The following FHIP2A variants were observed in gnomAD, a reference collection of about 807,000 sequenced individuals.
FHIP2A encodes family with sequence similarity 160 member B1.
In FHIP2A, 46 loss-of-function variants were observed where a neutral mutation model predicts 93.5. That is an observed-to-expected ratio of 0.49 (90% CI 0.39 to 0.63). The LOEUF is 0.63. Among genes scored for constraint, FHIP2A ranks in the 20% least tolerant of loss-of-function variants. The pLI is 0.00. For missense variants in FHIP2A, 769 were observed against 909.7 expected (o/e 0.85, Z 1.99); for synonymous variants, 332 against 326.5 (o/e 1.02, Z -0.18).
chr10:114,863,536 T>C lies in FHIP2A; in HGVS notation c.*1996T>C. 1.7e-6 allele frequency: 2 copies of C among 1,173,676 alleles called. No homozygotes were observed. The highest frequency in any genetic ancestry group is 6.5e-5 in the East Asian group (1 of 15,290). 72.7% of individuals were successfully genotyped at this position (1,173,676 alleles called of 1,614,324 possible). On this transcript the variant is annotated 3_prime_UTR_variant, in exon 17 of 17. Coordinates refer to ENST00000369248, the MANE Select transcript of FHIP2A (RefSeq NM_020940.4). ...TGTATATGTATGCTGCTTCTGAAAA[T>C]ATAATTTTTCTAAGTTGTTGTAATG...
Position 114,861,713 on chromosome 10 carries a change from A to G in FHIP2A, c.*173A>G, listed in dbSNP as rs1592026429. 1 of 1,394,056 alleles carries G rather than the reference A, an allele frequency of 7.2e-7. No individual in the cohort carries two copies. 86.4% of individuals were successfully genotyped at this position (1,394,056 alleles called of 1,614,324 possible). A position where few individuals can be genotyped will look rare whatever the true frequency, so the allele number is the denominator to read the frequency against. On this transcript the variant is annotated 3_prime_UTR_variant, in exon 17 of 17. Transcript: ENST00000369248. ...GTGGACATTCTTGGTGAAATGTTGT[A>G]TAATGTTGTTTTCATTGGCTTTATC...
At chr10:114,875,119 G>T (rs11818114) in intron 16 of FHIP2A, among the ~76,000 whole-genome samples, 1 of 151,860 alleles carries the variant, frequency 6.6e-6, no homozygotes, top group Non-Finnish European at 1.5e-5. Flanking sequence ...ACTGCAGGCC[G>T]CTCTGCAGCC....
At chr10:114,848,947 A>T (rs900799210) in intron 13 of FHIP2A, among the ~76,000 whole-genome samples, 4 of 151,952 alleles carry the variant, frequency 2.6e-5, no homozygotes, top group Admixed American at 1.3e-4. Flanking sequence ...GTTCGAGACC[A>T]GCCTGGCCAA....
intron 14 of FHIP2A, among the ~76,000 whole-genome samples, chr10:114,860,300 T>C (rs2083789791): frequency 6.6e-6 from 1 of 152,220 alleles, no homozygotes; most frequent in African/African-American, 2.4e-5. Flanking sequence ...TAGTTGTAGA[T>C]ATTTTCATTG....
chr10:114,891,601 G>A (rs964896670), intron 16 of FHIP2A, among the ~76,000 whole-genome samples: 4 of 148,148 alleles, frequency 2.7e-5, no homozygotes, highest in Non-Finnish European at 4.5e-5. Context: ...GTGTATATAT[G>A]TGTGTGTGTG....
intron 14 of FHIP2A, among the ~76,000 whole-genome samples, chr10:114,857,562 G>A (rs930999819): frequency 4.6e-5 from 7 of 151,416 alleles, no homozygotes; most frequent in East Asian, 3.9e-4. Context: ...CACCTGCCTC[G>A]GCCTCCCAAA....
At chr10:114,888,855 G>A (rs1032528978) in intron 16 of FHIP2A, among the ~76,000 whole-genome samples, 5 of 152,028 alleles carry the variant, frequency 3.3e-5, no homozygotes, top group East Asian at 1.9e-4. Context: ...TGCCCACCTC[G>A]GCTTCTCAAA....
At chr10:114,857,751 A>C (rs1434757515) in intron 14 of FHIP2A, among the ~76,000 whole-genome samples, 1 of 152,244 alleles carries the variant, frequency 6.6e-6, no homozygotes, top group Non-Finnish European at 1.5e-5. Context: ...TAATGTCTTC[A>C]TGCATAATTG....
intron 16 of FHIP2A, among the ~76,000 whole-genome samples, chr10:114,897,196 A>T (rs2084005271): frequency 2.0e-5 from 3 of 152,314 alleles, no homozygotes; most frequent in South Asian, 4.1e-4. Context: ...TCCCCAAGTT[A>T]CTTCCTCCTT....
downstream of FHIP2A, among the ~76,000 whole-genome samples, chr10:114,867,532 G>A (rs1396034653): frequency 1.3e-5 from 2 of 152,192 alleles, no homozygotes; most frequent in Admixed American, 6.5e-5. Flanking sequence ...TAAAGCATTT[G>A]TAGAACCATG....
chr10:114,877,018 G>GCT (rs1353291676), intron 16 of FHIP2A, among the ~76,000 whole-genome samples: 1 of 151,972 alleles, frequency 6.6e-6, no homozygotes, highest in East Asian at 1.9e-4. Flanking sequence ...GCTTTTATCT[G>GCT]CAACTGTTAC....
chr10:114,822,012 G>A lies in FHIP2A; in HGVS notation c.-67G>A. ...AGCGGCCCCGGCAGCCGCAGCAGGG[G>A]CGGCGGCGGCGGATCGAGGAGCTCT... On this transcript the variant is annotated 5_prime_UTR_variant, in exon 1 of 17. Coordinates refer to ENST00000369248, the MANE Select transcript of FHIP2A (RefSeq NM_020940.4). 9.8e-7 allele frequency: 1 copy of A among 1,022,124 alleles called. No individual in the cohort carries two copies. The highest frequency in any genetic ancestry group is 1.3e-6 in the Non-Finnish European group (1 of 790,250). 63.3% of individuals were successfully genotyped at this position (1,022,124 alleles called of 1,614,324 possible).
intron 13 of FHIP2A, among the ~76,000 whole-genome samples, chr10:114,850,275 ATTC>A (rs1302329003): frequency 3.9e-5 from 6 of 152,162 alleles, no homozygotes; most frequent in African/African-American, 1.4e-4. Context: ...ACTTACCATT[ATTC>A]TTTTTAAATT....
intron 16 of FHIP2A, among the ~76,000 whole-genome samples, chr10:114,896,737 A>G (rs1699758346): frequency 6.6e-6 from 1 of 152,192 alleles, no homozygotes; most frequent in Admixed American, 6.5e-5. Context: ...CCTAAAATGT[A>G]TAAAACCAAG....
chr10:114,825,756 A>G (rs937168021), intron 1 of FHIP2A, among the ~76,000 whole-genome samples: 6 of 152,368 alleles, frequency 3.9e-5, no homozygotes, highest in Admixed American at 2.0e-4. Context: ...AAAGATAGAT[A>G]AAACACTTTC....
At chr10:114,883,286 C>A (rs147899690) in intron 16 of FHIP2A, among the ~76,000 whole-genome samples, 1 of 152,290 alleles carries the variant, frequency 6.6e-6, no homozygotes, top group East Asian at 1.9e-4. Context: ...ATCACAGCAG[C>A]TGATTCAGGG....
At chr10:114,848,264 T>C (rs956329576) in intron 12 of FHIP2A, among the ~76,000 whole-genome samples, 1 of 152,204 alleles carries the variant, frequency 6.6e-6, no homozygotes, top group Non-Finnish European at 1.5e-5. Flanking sequence ...TCAAGTTCAA[T>C]TACTTAAAAC....
At chr10:114,876,274 G>A (rs1032327060) in intron 16 of FHIP2A, among the ~76,000 whole-genome samples, 1 of 152,164 alleles carries the variant, frequency 6.6e-6, no homozygotes, top group Non-Finnish European at 1.5e-5. Flanking sequence ...AGGCATGCAG[G>A]TCCACGTCAT....
chr10:114,855,975 G>C (rs753042029), intron 14 of FHIP2A, among the ~76,000 whole-genome samples: 8 of 152,176 alleles, frequency 5.3e-5, no homozygotes, highest in Non-Finnish European at 1.2e-4. Flanking sequence ...TTAGTGATGA[G>C]AGAGCTTTGA....
Sources: gnomAD v4.1 joint callset for allele counts (sites outside exome capture counted in the v4.1 genomes callset) on GRCh38, gnomAD v4.1.1 for gene constraint, MANE v1.5 for transcripts, NCBI Gene and HGNC (gene_info 2026-07-23, HGNC 2026-07-21) for gene names.